Variants in TLCD4 observed in about 807,000 individuals in gnomAD.
TLCD4 encodes TLC domain-containing protein 4.
TLCD4 carries 7 observed loss-of-function variants against 24.2 expected under a neutral mutation model. The observed-to-expected ratio is 0.29, with a 90% CI of 0.16 to 0.54. The LOEUF (loss-of-function observed/expected upper bound fraction) is 0.54. Among genes scored for constraint, TLCD4 ranks in the 20% least tolerant of loss-of-function variants. TLCD4 has a pLI of 0.95. For missense variants in TLCD4, 259 were observed against 313.9 expected (o/e 0.82, Z 1.32); for synonymous variants, 103 against 106.4 (o/e 0.97, Z 0.20).
chr1:95,169,041 AGC>A (rs1678119898), intron 5 of TLCD4, among the ~76,000 whole-genome samples: 8 of 152,192 alleles, frequency 5.3e-5, no homozygotes, highest in Admixed American at 3.9e-4. Context: ...ACCTTTGCTC[AGC>A]GCAGTTTCTG....
chr1:95,181,780 C>T (rs569869854), intron 6 of TLCD4, among the ~76,000 whole-genome samples: 26 of 151,888 alleles, frequency 1.7e-4, no homozygotes, highest in African/African-American at 6.0e-4. Context: ...CCACCACGCC[C>T]GGCTAATTTT....
intron 1 of TLCD4, among the ~76,000 whole-genome samples, chr1:95,127,426 C>CT (rs1676770862): frequency 6.6e-6 from 1 of 152,124 alleles, no homozygotes; most frequent in Non-Finnish European, 1.5e-5. Context: ...GTTCTGACTT[C>CT]CTAGGTAGCT....
In TLCD4 at chr1:95,191,596, G is replaced by A. The variant is rs1199298185; in HGVS notation, c.520G>A (p.Val174Ile). The stretch of plus-strand genomic sequence containing the variant: ...GTATCCCAAGTTTTCTAAAGCTATC[G>A]TTATCAATGGAATACTCATGACAGT... ...LKYPKFSKAI[V>I]INGILMTVVF... The change falls in exon 7 of 7, where the codon GTT (valine) becomes ATT (isoleucine). Residue 174 changes from valine to isoleucine, a missense_variant. Coordinates refer to ENST00000370203, the MANE Select transcript of TLCD4 (RefSeq NM_152487.3). 6.2e-6 allele frequency: 10 copies of A among 1,613,922 alleles called. No individual in the cohort carries two copies. The highest frequency in any genetic ancestry group is 7.6e-6 in the Non-Finnish European group (9 of 1,179,966).
chr1:95,141,310 G>T (rs1677190616), intron 1 of TLCD4, among the ~76,000 whole-genome samples: 1 of 152,132 alleles, frequency 6.6e-6, no homozygotes. Flanking sequence ...TCATAAAATG[G>T]ATAAGGTATG....
chr1:95,157,609 G>A (rs777403237), intron 5 of TLCD4, among the ~76,000 whole-genome samples: 6 of 152,206 alleles, frequency 3.9e-5, no homozygotes, highest in African/African-American at 7.2e-5. Flanking sequence ...CTTGCTTGAC[G>A]TCTCATGTGG....
chr1:95,170,862 A>G (rs1023084088), intron 5 of TLCD4, among the ~76,000 whole-genome samples: 4 of 152,120 alleles, frequency 2.6e-5, no homozygotes, highest in African/African-American at 7.2e-5. Context: ...TTCTTCTTAA[A>G]TATTCCAAGC....
chr1:95,145,880 G>A (rs1041462726), intron 2 of TLCD4, among the ~76,000 whole-genome samples: 3 of 152,146 alleles, frequency 2.0e-5, no homozygotes, highest in African/African-American at 7.2e-5. Flanking sequence ...ATTTGAAAAA[G>A]GAGTCTGGGA....
At chr1:95,139,903 C>T (rs1242729858) in intron 1 of TLCD4, among the ~76,000 whole-genome samples, 1 of 152,004 alleles carries the variant, frequency 6.6e-6, no homozygotes, top group Non-Finnish European at 1.5e-5. Context: ...TTGTTAAAAA[C>T]GAAGACTCAG....
rs1435180897 is a variant in TLCD4, at chr1:95,195,017, C to T, written c.*3149C>T. On this transcript the variant is annotated 3_prime_UTR_variant, in exon 7 of 7. Transcript: ENST00000370203. ...GAAATACTATTTATGTTGTTACCAC[C>T]CCTAAGAGTGACTCTGATATATTAT... The T allele has an allele frequency of 6.6e-6, 1 of 152,096 alleles. No homozygotes were observed. The highest frequency in any genetic ancestry group is 2.4e-5 in the African/African-American group (1 of 41,412). 9.4% of individuals were successfully genotyped at this position (152,096 alleles called of 1,614,324 possible). A position where few individuals can be genotyped will look rare whatever the true frequency, so the allele number is the denominator to read the frequency against.
upstream of TLCD4, among the ~76,000 whole-genome samples, chr1:95,115,885 G>A (rs1238899806): frequency 1.3e-5 from 2 of 152,178 alleles, no homozygotes; most frequent in African/African-American, 4.8e-5. Context: ...TTTCTGGGCT[G>A]ACTTCACAGA....
chr1:95,148,678 T>C (rs374955968), intron 2 of TLCD4, 24 bp from the exon 3 acceptor site: 3 of 1,611,024 alleles, frequency 1.9e-6, no homozygotes, highest in Non-Finnish European at 2.5e-6. Flanking sequence ...CTAAAATCTT[T>C]GTGTGTATTT....
At chr1:95,133,001 G>A (rs1467268132) in intron 1 of TLCD4, among the ~76,000 whole-genome samples, 1 of 152,170 alleles carries the variant, frequency 6.6e-6, no homozygotes, top group Non-Finnish European at 1.5e-5. Flanking sequence ...AGTGTCAGAT[G>A]AGAAATGATG....
At position 95,191,528 on chromosome 1, in the gene TLCD4, GTTTC is replaced by G. The variant is rs766391115; in HGVS notation, c.474-18_474-15del. The G allele has an allele frequency of 1.3e-6, 2 of 1,586,514 alleles. No homozygotes were observed. The highest frequency in any genetic ancestry group is 1.7e-6 in the Non-Finnish European group (2 of 1,169,004). Reference sequence around the variant, plus strand: ...CTCAGAGATGCACTATAAATGTGATGTTTCTTTAATTCATTTTTCAGGTGGTTCT... The same window carrying G: ...CTCAGAGATGCACTATAAATGTGATGTTTAATTCATTTTTCAGGTGGTTCT... On this transcript the variant is annotated intron_variant, in intron 6 of 6. Coordinates refer to ENST00000370203, the MANE Select transcript of TLCD4 (RefSeq NM_152487.3).
chr1:95,180,321 A>T (rs1288031605), intron 6 of TLCD4, among the ~76,000 whole-genome samples: 2 of 152,188 alleles, frequency 1.3e-5, no homozygotes, highest in African/African-American at 4.8e-5. Flanking sequence ...TATAATAAAA[A>T]CTTATACTGT....
chr1:95,093,021 G>A, the TLCD4 span, among the ~76,000 whole-genome samples: 1 of 152,230 alleles, frequency 6.6e-6, no homozygotes, highest in Non-Finnish European at 1.5e-5. Flanking sequence ...TTACAGGTGT[G>A]AGTCACCACA....
intron 1 of TLCD4, among the ~76,000 whole-genome samples, chr1:95,140,512 T>C (rs1214438996): frequency 1.3e-5 from 2 of 152,268 alleles, no homozygotes; most frequent in Non-Finnish European, 2.9e-5. Flanking sequence ...GTAAACCATC[T>C]TTAATGAAAA....
chr1:95,110,192 C>CT, the TLCD4 span, among the ~76,000 whole-genome samples: 4 of 150,962 alleles, frequency 2.6e-5, no homozygotes, highest in East Asian at 1.9e-4. Context: ...CAGTTTTACA[C>CT]TTTTTTTGTC....
chr1:95,177,721 G>A lies in TLCD4; in HGVS notation c.473+3832G>A, dbSNP rs546279914. Among the ~76,000 whole-genome samples the A allele has an allele frequency of 7.0e-4, 107 of 152,102 alleles. 2 individuals carry two copies. The South Asian group carries it at 0.022, about 31-fold the overall frequency. On this transcript the variant is annotated intron_variant, in intron 6 of 6. Coordinates refer to ENST00000370203, the MANE Select transcript of TLCD4 (RefSeq NM_152487.3). ...CCTCCAGTTAATCTTGAGTTACATAGCTTATATGACATTCTCAAGGGGGTC... is the reference window on the plus strand; with the variant it reads ...CCTCCAGTTAATCTTGAGTTACATAACTTATATGACATTCTCAAGGGGGTC...
chr1:95,137,235 G>A (rs1205269253), intron 1 of TLCD4, among the ~76,000 whole-genome samples: 2 of 152,172 alleles, frequency 1.3e-5, no homozygotes, highest in African/African-American at 4.8e-5. Flanking sequence ...TTTGAGAGCG[G>A]TGAATATTTG....
Sources: allele counts gnomAD v4.1 joint callset (sites outside exome capture counted in the v4.1 genomes callset), GRCh38; gene constraint gnomAD v4.1.1; transcripts MANE v1.5; gene names NCBI Gene and HGNC (gene_info 2026-07-23, HGNC 2026-07-21).